Variants in PPARGC1A observed in about 807,000 individuals in gnomAD.
PPARGC1A encodes the protein PPARG coactivator 1 alpha, also known as peroxisome proliferator-activated receptor gamma coactivator 1-alpha.
A neutral mutation model predicts 88.7 loss-of-function variants in PPARGC1A; 25 were observed. The observed-to-expected ratio is 0.28, with a 90% CI of 0.21 to 0.39. The LOEUF (loss-of-function observed/expected upper bound fraction) is 0.39, where lower values mean the gene tolerates loss of function less well. Among genes scored for constraint, PPARGC1A ranks in the 10% least tolerant of loss-of-function variants. The probability of loss-of-function intolerance (pLI) is 1.00; values close to 1 mark genes in which losing one functional copy is unlikely to be tolerated. For synonymous variants in PPARGC1A, 363 were observed against 355.6 expected (o/e 1.02, Z -0.24); for missense variants, 880 against 968.7 (o/e 0.91, Z 1.22).
chr4:24,308,018 G>A, the PPARGC1A span, among the ~76,000 whole-genome samples: 2 of 152,250 alleles, frequency 1.3e-5, no homozygotes, highest in African/African-American at 4.8e-5. Flanking sequence ...CGGGCTGGGT[G>A]CGGTGGCTCA....
chr4:23,895,312 A>T (rs1000360072), intron 1 of PPARGC1A, among the ~76,000 whole-genome samples: 93 of 150,852 alleles, frequency 6.2e-4, no homozygotes, highest in Non-Finnish European at 6.5e-4. Context: ...AAATATATAT[A>T]TTTTTTTCTT....
chr4:24,289,219 C>CAAAAA, the PPARGC1A span, among the ~76,000 whole-genome samples: 25 of 82,746 alleles, frequency 3.0e-4, 1 homozygote, highest in African/African-American at 8.5e-4. Context: ...GACTCCGTCT[C>CAAAAA]AAAAAAAAAA....
At chr4:24,345,791 G>C in the PPARGC1A span, among the ~76,000 whole-genome samples, 2 of 152,058 alleles carry the variant, frequency 1.3e-5, no homozygotes, top group African/African-American at 4.8e-5. Context: ...TTGCCTGATT[G>C]CTCTGGTTGG....
chr4:23,949,911 C>T, the PPARGC1A span, among the ~76,000 whole-genome samples: 1 of 152,096 alleles, frequency 6.6e-6, no homozygotes, highest in African/African-American at 2.4e-5. Flanking sequence ...CAGAATTCTG[C>T]TGAAAGCACA....
At chr4:24,265,630 C>A in the PPARGC1A span, among the ~76,000 whole-genome samples, 2 of 151,988 alleles carry the variant, frequency 1.3e-5, no homozygotes, top group East Asian at 3.9e-4. Flanking sequence ...GTTGATACAC[C>A]TATGATTAGT....
chr4:23,884,674 C>T (rs757694603), intron 2 of PPARGC1A, 78 bp downstream of exon 2: 12 of 1,237,790 alleles, frequency 9.7e-6, no homozygotes, highest in Non-Finnish European at 1.3e-5. Flanking sequence ...ACTCATTATG[C>T]ATTCAGGTCT....
the PPARGC1A span, among the ~76,000 whole-genome samples, chr4:24,327,913 AAAG>A: frequency 2.0e-5 from 3 of 152,162 alleles, no homozygotes; most frequent in African/African-American, 7.2e-5. Context: ...AAGAATCACA[AAAG>A]AAGTGAAAAG....
chr4:24,450,084 T>C, the PPARGC1A span, among the ~76,000 whole-genome samples: 2 of 152,232 alleles, frequency 1.3e-5, no homozygotes, highest in African/African-American at 2.4e-5. Flanking sequence ...TTATTGAAAC[T>C]TACCCCATCA....
the PPARGC1A span, among the ~76,000 whole-genome samples, chr4:24,081,764 G>A: frequency 1.2e-3 from 173 of 150,404 alleles, no homozygotes; most frequent in African/African-American, 4.1e-3. Context: ...TTTTACAAGC[G>A]TTAAGAATAC....
the PPARGC1A span, among the ~76,000 whole-genome samples, chr4:23,915,660 T>C: frequency 3.3e-5 from 5 of 152,140 alleles, no homozygotes; most frequent in African/African-American, 7.2e-5. Context: ...AAATGTGACA[T>C]AGACACGTGA....
At chr4:23,911,461 A>T in the PPARGC1A span, among the ~76,000 whole-genome samples, 2 of 152,200 alleles carry the variant, frequency 1.3e-5, no homozygotes, top group Non-Finnish European at 2.9e-5. Context: ...AGATCTTGAG[A>T]TGACAGATAC....
At chr4:24,251,586 T>C in the PPARGC1A span, among the ~76,000 whole-genome samples, 4,944 of 152,338 alleles carry the variant, frequency 0.032, 210 homozygotes, top group East Asian at 0.12. Flanking sequence ...ATCACAGACA[T>C]TTATTTTAAT....
the PPARGC1A span, among the ~76,000 whole-genome samples, chr4:23,994,486 T>C: frequency 3.9e-5 from 6 of 152,144 alleles, no homozygotes; most frequent in African/African-American, 1.4e-4. Flanking sequence ...CATTTCTGCA[T>C]ATTGGGCAGA....
the PPARGC1A span, among the ~76,000 whole-genome samples, chr4:24,079,827 T>C: frequency 6.6e-6 from 1 of 152,080 alleles, no homozygotes; most frequent in Non-Finnish European, 1.5e-5. Flanking sequence ...TCTCAACTAA[T>C]ATGTAATGTA....
At position 23,805,548 on chromosome 4, in the gene PPARGC1A, C is replaced by T. The variant is rs11947131; in HGVS notation, c.2020-3203G>A. 7.6e-3 allele frequency among the ~76,000 whole-genome samples: 1,161 copies of T among 152,230 alleles called. 14 individuals are homozygous for T. Among genetic ancestry groups the T allele is most frequent in the African/African-American group, 0.027 (1,110 of 41,542 alleles). On this transcript the variant is annotated intron_variant, in intron 10 of 12. Transcript: ENST00000264867. ...GCCACTTCAGAGCACCGAGCACATC[C>T]TGGCAGTCAGAAAGTAGAAATGGAT...
chr4:24,232,469 T>C, the PPARGC1A span, among the ~76,000 whole-genome samples: 1 of 152,204 alleles, frequency 6.6e-6, no homozygotes, highest in African/African-American at 2.4e-5. Context: ...TGCAGACTAA[T>C]GTTATATAGA....
the PPARGC1A span, among the ~76,000 whole-genome samples, chr4:24,289,239 A>AC: frequency 6.6e-6 from 1 of 150,538 alleles, no homozygotes; most frequent in Non-Finnish European, 1.5e-5. Flanking sequence ...AAAAAAAAAA[A>AC]AAAAGAGAGA....
intron 10 of PPARGC1A, among the ~76,000 whole-genome samples, chr4:23,807,548 G>A (rs554645436): frequency 9.2e-5 from 14 of 152,184 alleles, no homozygotes; most frequent in African/African-American, 2.6e-4. Flanking sequence ...TAGAATAAGA[G>A]TATGCATAAC....
intron 7 of PPARGC1A, 36 bp downstream of exon 7, chr4:23,824,244 G>A (rs746185789): frequency 7.1e-6 from 11 of 1,546,764 alleles, no homozygotes; most frequent in Middle Eastern, 3.4e-4. Context: ...TATACAGACA[G>A]ACACACACAA....
Sources: allele counts gnomAD v4.1 joint callset (sites outside exome capture counted in the v4.1 genomes callset), GRCh38; gene constraint gnomAD v4.1.1; transcripts MANE v1.5; gene names NCBI Gene and HGNC (gene_info 2026-07-23, HGNC 2026-07-21).